The following TRIP12 variants were observed in gnomAD, a reference collection of about 807,000 sequenced individuals.
TRIP12 encodes thyroid hormone receptor interactor 12.
In TRIP12, 25 loss-of-function variants were observed where a neutral mutation model predicts 244.2. The observed-to-expected ratio is 0.10, with a 90% CI of 0.07 to 0.14. TRIP12 has a LOEUF of 0.14. Ranked by LOEUF, TRIP12 falls within the 10% of genes least tolerant of loss-of-function variation. TRIP12 has a pLI of 1.00. For synonymous variants in TRIP12, 905 were observed against 873.1 expected (o/e 1.04, Z -0.64); for missense variants, 1,677 against 2,486.4 (o/e 0.67, Z 6.92).
At chr2:229,854,601 C>T (rs1341811877) in intron 4 of TRIP12, among the ~76,000 whole-genome samples, 4 of 152,154 alleles carry the variant, frequency 2.6e-5, no homozygotes, top group Non-Finnish European at 5.9e-5. Flanking sequence ...GATTTGAATC[C>T]AACATTTTTG....
chr2:229,870,264 A>C (rs1215019004), intron 2 of TRIP12, among the ~76,000 whole-genome samples: 1 of 152,254 alleles, frequency 6.6e-6, no homozygotes, highest in Non-Finnish European at 1.5e-5. Context: ...TTAATAATTC[A>C]AAATGAAAGA....
At chr2:229,792,328 T>C (rs1370626741) in intron 27 of TRIP12, 102 bp from the exon 28 acceptor site, 2 of 1,095,556 alleles carry the variant, frequency 1.8e-6, no homozygotes, top group Admixed American at 2.2e-5. Context: ...AAAACACATA[T>C]AGGTTGAGTA....
At position 229,797,695 on chromosome 2, in the gene TRIP12, G is replaced by A. The variant is rs1325344966; in HGVS notation, c.3619C>T (p.Leu1207Phe). ...AAATGCACTGGACACAGCACCTGGA[G>A]GTTGAGTTGTTCGGTTGCAGCACAA... is the stretch of plus-strand genomic sequence containing the variant. ...RLCAATEQLN[L>F]QVDGGAECLV... The change falls in exon 24 of 42, where the codon CTC (leucine) becomes TTC (phenylalanine). Residue 1207 changes from leucine (L) to phenylalanine (F), a missense_variant. This residue lies in a region of TRIP12 where 572 missense variants were observed against 867.8 expected (regional missense o/e 0.66). Transcript: ENST00000675903. The A allele has an allele frequency of 4.3e-6, 7 of 1,613,528 alleles. No homozygotes were observed. Among genetic ancestry groups the A allele is most frequent in the Non-Finnish European group, 5.9e-6 (7 of 1,179,762 alleles).
At chr2:229,922,273 A>C (rs539160649), upstream of TRIP12, 1 of 534,236 alleles carries the variant, frequency 1.9e-6, no homozygotes, top group Non-Finnish European at 3.4e-6. Flanking sequence ...CGCCGGGGTC[A>C]CCCCCTCCCC....
At chr2:229,836,438 T>C (rs1018025727) in intron 6 of TRIP12, among the ~76,000 whole-genome samples, 15 of 152,272 alleles carry the variant, frequency 9.9e-5, no homozygotes, top group African/African-American at 3.1e-4. Flanking sequence ...ACAATATAAA[T>C]ACTATTCTTA....
At chr2:229,792,361 C>A in intron 27 of TRIP12, 135 bp from the exon 28 acceptor site, 1 of 863,000 alleles carries the variant, frequency 1.2e-6, no homozygotes, top group Non-Finnish European at 1.8e-6. Flanking sequence ...AATGCTTGAG[C>A]CCAGAAGTGT....
chr2:229,900,956 CAG>C (rs2070583343), intron 1 of TRIP12: 2 of 144,472 alleles, frequency 1.4e-5, no homozygotes, highest in South Asian at 4.4e-4. Context: ...TTTTTTGAGA[CAG>C]AGTCTTGCTC....
chr2:229,895,993 AT>A (rs1259476248), intron 1 of TRIP12, among the ~76,000 whole-genome samples: 3 of 152,150 alleles, frequency 2.0e-5, no homozygotes, highest in Non-Finnish European at 2.9e-5. Flanking sequence ...CTCTAAAAAA[AT>A]AATAATAAAA....
At chr2:229,777,520 A>C (rs550833381) in intron 36 of TRIP12, 41 bp from the exon 37 acceptor site, 1 of 1,604,362 alleles carries the variant, frequency 6.2e-7, no homozygotes, top group Admixed American at 1.7e-5. Flanking sequence ...GTCACACTGA[A>C]CTTCCAGCAT....
intron 21 of TRIP12, among the ~76,000 whole-genome samples, chr2:229,800,061 TG>T (rs1395137156): frequency 6.6e-6 from 1 of 152,192 alleles, no homozygotes; most frequent in East Asian, 1.9e-4. Flanking sequence ...TGAAAAAGAA[TG>T]TTAAATCCAC....
chr2:229,859,718 A>T, intron 3 of TRIP12, 144 bp from the exon 4 acceptor site: 1 of 892,888 alleles, frequency 1.1e-6, no homozygotes, highest in African/African-American at 1.7e-5. Flanking sequence ...CAAATCTGTA[A>T]AACGAAATAA....
intron 34 of TRIP12, among the ~76,000 whole-genome samples, chr2:229,782,150 C>T (rs956467461): frequency 4.6e-5 from 7 of 152,056 alleles, no homozygotes; most frequent in African/African-American, 1.7e-4. Flanking sequence ...GTCCTGCAGT[C>T]TCATAAGTAA....
At chr2:229,894,107 A>T (rs1243489484) in intron 1 of TRIP12, among the ~76,000 whole-genome samples, 1 of 152,120 alleles carries the variant, frequency 6.6e-6, no homozygotes, top group East Asian at 1.9e-4. Context: ...GCGAGCTGAG[A>T]TGGCACCACT....
intron 16 of TRIP12, 127 bp from the exon 17 acceptor site, chr2:229,807,991 A>T (rs2046304929): frequency 9.7e-7 from 1 of 1,031,602 alleles, no homozygotes; most frequent in Non-Finnish European, 1.4e-6. Flanking sequence ...TTGGAGACAG[A>T]GTCTCACTCT....
At chr2:229,797,880 G>C in intron 23 of TRIP12, 49 bp from the exon 24 acceptor site, 1 of 1,576,840 alleles carries the variant, frequency 6.3e-7, no homozygotes, top group South Asian at 1.2e-5. Flanking sequence ...ATGTAGAAAG[G>C]ATATAACTTC....
chr2:229,886,995 CT>C (rs1314642907), intron 1 of TRIP12, among the ~76,000 whole-genome samples: 1 of 152,056 alleles, frequency 6.6e-6, no homozygotes, highest in Admixed American at 6.5e-5. Context: ...TAAAATAACC[CT>C]AAGGCTACAA....
At chr2:229,870,655 A>T (rs2062396834) in intron 2 of TRIP12, among the ~76,000 whole-genome samples, 1 of 152,356 alleles carries the variant, frequency 6.6e-6, no homozygotes, top group African/African-American at 2.4e-5. Context: ...CAAAATTACT[A>T]AAGAAGGAAA....
intron 1 of TRIP12, among the ~76,000 whole-genome samples, chr2:229,920,473 C>G (rs146376371): frequency 6.6e-6 from 1 of 152,240 alleles, no homozygotes; most frequent in Non-Finnish European, 1.5e-5. Flanking sequence ...CCGCCTCCCC[C>G]CGCACCGGCC....
At chr2:229,849,856 G>A (rs866201815) in intron 4 of TRIP12, among the ~76,000 whole-genome samples, 1 of 151,212 alleles carries the variant, frequency 6.6e-6, no homozygotes, top group Non-Finnish European at 1.5e-5. Flanking sequence ...GAAAAAAAAG[G>A]TCTTATATAA....
Sources: gnomAD v4.1 joint callset for allele counts (sites outside exome capture counted in the v4.1 genomes callset) on GRCh38, gnomAD v4.1.1 for gene constraint, gnomAD v4.1.1 regional missense constraint, MANE v1.5 for transcripts, NCBI Gene and HGNC (gene_info 2026-07-23, HGNC 2026-07-21) for gene names.